The following EYA1 variants were observed in gnomAD, a reference collection of about 807,000 sequenced individuals.
EYA1 encodes EYA transcriptional coactivator and phosphatase 1, also known as protein phosphatase EYA1.
Under a neutral mutation model 82.0 loss-of-function variants are expected in EYA1, and 16 were observed. The observed-to-expected ratio is 0.20, with a 90% CI of 0.13 to 0.30. EYA1 has a LOEUF of 0.30. Among genes scored for constraint, EYA1 ranks in the 10% least tolerant of loss-of-function variants. The pLI, the probability that EYA1 is intolerant of heterozygous loss-of-function variation, is 1.00. For missense variants in EYA1, 633 were observed against 730.7 expected (o/e 0.87, Z 1.54); for synonymous variants, 261 against 264.4 (o/e 0.99, Z 0.12).
chr8:71,487,607 G>A (rs1167488415), intron 2 of EYA1, among the ~76,000 whole-genome samples: 2 of 152,058 alleles, frequency 1.3e-5, no homozygotes, highest in African/African-American at 2.4e-5. Context: ...AGAAAGCAAT[G>A]GGAGAATTCC....
intron 9 of EYA1, 111 bp from the exon 10 acceptor site, chr8:71,272,008 T>C: frequency 3.6e-6 from 4 of 1,110,282 alleles, no homozygotes; most frequent in Non-Finnish European, 5.5e-6. Context: ...CATTTCATTC[T>C]GCTGAAATCC....
intron 11 of EYA1, among the ~76,000 whole-genome samples, chr8:71,264,491 A>G (rs1431638013): frequency 6.6e-6 from 1 of 152,194 alleles, no homozygotes; most frequent in African/African-American, 2.4e-5. Context: ...TACAAGTTCA[A>G]TAGGTGACAC....
intron 2 of EYA1, among the ~76,000 whole-genome samples, chr8:71,396,906 T>C (rs1380668993): frequency 1.3e-5 from 2 of 152,188 alleles, no homozygotes; most frequent in African/African-American, 4.8e-5. Context: ...TCTCCCATTA[T>C]TATTGTGTGG....
At chr8:71,277,736 A>C (rs1292028617) in intron 9 of EYA1, among the ~76,000 whole-genome samples, 4 of 152,216 alleles carry the variant, frequency 2.6e-5, no homozygotes, top group Non-Finnish European at 5.9e-5. Context: ...AGAGCATGGT[A>C]AGTGTCTAGA....
intron 11 of EYA1, among the ~76,000 whole-genome samples, chr8:71,252,019 TAAAAG>T (rs751801913): frequency 1.3e-5 from 2 of 152,146 alleles, no homozygotes; most frequent in Admixed American, 6.5e-5. Flanking sequence ...TTGAAGTAAA[TAAAAG>T]AAAAGGGTAT....
chr8:71,397,383 T>C (rs188722101), intron 2 of EYA1, among the ~76,000 whole-genome samples: 31,797 of 152,162 alleles, frequency 0.21, 4,332 homozygotes, highest in African/African-American at 0.39. Flanking sequence ...CTTCCTAGCA[T>C]CGATGGTCTT....
upstream of EYA1, among the ~76,000 whole-genome samples, chr8:71,366,718 G>A (rs528759160): frequency 5.3e-5 from 8 of 152,214 alleles, no homozygotes; most frequent in East Asian, 1.5e-3. Context: ...TATGAATCCT[G>A]ATTTTTTTAA....
Position 71,509,824 on chromosome 8 carries a change from C to T in EYA1, c.33+25920G>A, listed in dbSNP as rs538125960. 2.6e-5 allele frequency among the ~76,000 whole-genome samples: 4 copies of T among 152,096 alleles called. No homozygotes were observed. The South Asian group carries it at 6.2e-4, about 24-fold the overall frequency. On this transcript the variant is annotated intron_variant, in intron 2 of 18. Coordinates refer to the EYA1 transcript ENST00000643681. Reference sequence around the variant, plus strand: ...CACTTGAATCTGCTCCACTGGAGAGCATATTGTCCTGTCTCTAAAAAATAT... The same window carrying T: ...CACTTGAATCTGCTCCACTGGAGAGTATATTGTCCTGTCTCTAAAAAATAT...
chr8:71,311,455 T>C (rs1039466345), intron 7 of EYA1, among the ~76,000 whole-genome samples: 2 of 152,174 alleles, frequency 1.3e-5, no homozygotes, highest in African/African-American at 4.8e-5. Flanking sequence ...AGTAAAAACA[T>C]ATTGTTTGCA....
chr8:71,448,025 T>TTTTTTTTTTTTTTAGGTACCGGAG (rs935912194), intron 2 of EYA1, among the ~76,000 whole-genome samples: 2 of 116,736 alleles, frequency 1.7e-5, no homozygotes, highest in African/African-American at 6.8e-5. Context: ...TTTTTTTTTT[T>TTTTTTTTTTTTTTAGGTACCGGAG]TCTCGCTCCG....
At chr8:71,417,955 T>G (rs1830945047) in intron 2 of EYA1, among the ~76,000 whole-genome samples, 1 of 152,194 alleles carries the variant, frequency 6.6e-6, no homozygotes, top group African/African-American at 2.4e-5. Flanking sequence ...CTCTGTCCAT[T>G]TCACCAAATT....
chr8:71,457,200 A>T (rs1438701141), intron 2 of EYA1, among the ~76,000 whole-genome samples: 2 of 152,204 alleles, frequency 1.3e-5, no homozygotes, highest in Admixed American at 6.5e-5. Flanking sequence ...GCAAATCAAA[A>T]CCACAATGAC....
intron 1 of EYA1, among the ~76,000 whole-genome samples, chr8:71,543,509 A>G (rs923934190): frequency 5.9e-5 from 9 of 152,174 alleles, no homozygotes; most frequent in Non-Finnish European, 8.8e-5. Flanking sequence ...GAGGTAAGAA[A>G]CTATAGTTTA....
intron 2 of EYA1, among the ~76,000 whole-genome samples, chr8:71,523,064 T>G (rs1490508475): frequency 6.6e-6 from 1 of 152,214 alleles, no homozygotes; most frequent in Admixed American, 6.5e-5. Flanking sequence ...CCTTTAGAAT[T>G]TACTATCTTT....
intron 2 of EYA1, chr8:71,404,957 A>T (rs1382951131): frequency 1.3e-5 from 2 of 151,928 alleles, no homozygotes; most frequent in Admixed American, 1.3e-4. Context: ...AGAAATATAC[A>T]AAAGGAAGGG....
At chr8:71,462,932 G>A (rs919065009) in intron 2 of EYA1, among the ~76,000 whole-genome samples, 7 of 152,110 alleles carry the variant, frequency 4.6e-5, no homozygotes, top group African/African-American at 1.2e-4. Flanking sequence ...GGATATCCCC[G>A]CCACTGCCAT....
intron 9 of EYA1, among the ~76,000 whole-genome samples, chr8:71,294,266 T>C (rs1300060018): frequency 6.6e-6 from 1 of 152,128 alleles, no homozygotes; most frequent in East Asian, 1.9e-4. Context: ...GAGACCATCC[T>C]GGCTAACACA....
At chr8:71,395,719 C>T (rs1462597433) in intron 2 of EYA1, among the ~76,000 whole-genome samples, 3 of 152,014 alleles carry the variant, frequency 2.0e-5, no homozygotes, top group South Asian at 2.1e-4. Context: ...GATTTTGCAT[C>T]GATGTTCATC....
At chr8:71,408,654 A>T (rs1370215751) in intron 2 of EYA1, among the ~76,000 whole-genome samples, 2 of 99,710 alleles carry the variant, frequency 2.0e-5, no homozygotes. Context: ...AAAGGGATCA[A>T]TTCAACAAGA....
Sources: gnomAD v4.1 joint callset for allele counts (sites outside exome capture counted in the v4.1 genomes callset) on GRCh38, gnomAD v4.1.1 for gene constraint, MANE v1.5 for transcripts, NCBI Gene and HGNC (gene_info 2026-07-23, HGNC 2026-07-21) for gene names.